UNC5D: variants seen among roughly 807,000 people sequenced by gnomAD.
UNC5D encodes the protein unc-5 netrin receptor D.
UNC5D carries 39 observed loss-of-function variants against 105.4 expected under a neutral mutation model. The observed-to-expected ratio is 0.37, with a 90% CI of 0.29 to 0.48. UNC5D has a LOEUF of 0.48. Among genes scored for constraint, UNC5D ranks in the 20% least tolerant of loss-of-function variants. The pLI, the probability that UNC5D is intolerant of heterozygous loss-of-function variation, is 0.98. For synonymous variants in UNC5D, 452 were observed against 450.4 expected, an observed-to-expected ratio of 1.00 and a Z score of -0.04; for missense variants, 991 against 1,202.4, an observed-to-expected ratio of 0.82 and a Z score of 2.60.
At chr8:35,555,643 T>C (rs1261278879) in intron 2 of UNC5D, among the ~76,000 whole-genome samples, 1 of 151,940 alleles carries the variant, frequency 6.6e-6, no homozygotes, top group East Asian at 1.9e-4. Context: ...CTGGCCAACA[T>C]GGTGAAACCC....
intron 1 of UNC5D, among the ~76,000 whole-genome samples, chr8:35,265,260 G>T (rs1449947847): frequency 6.6e-6 from 1 of 152,104 alleles, no homozygotes; most frequent in Non-Finnish European, 1.5e-5. Context: ...GAGCTATAAT[G>T]ATTAGCAAGG....
At chr8:35,676,394 G>C (rs1459031283) in intron 4 of UNC5D, among the ~76,000 whole-genome samples, 1 of 152,126 alleles carries the variant, frequency 6.6e-6, no homozygotes, top group Non-Finnish European at 1.5e-5. Flanking sequence ...TTGTTCATCC[G>C]AGGGGTGAAT....
intron 8 of UNC5D, among the ~76,000 whole-genome samples, chr8:35,712,389 C>T (rs12550498): frequency 0.19 from 29,567 of 152,122 alleles, 7,066 homozygotes; most frequent in African/African-American, 0.56. Flanking sequence ...ACAAGAAATG[C>T]ATCTTCCCTA....
intron 3 of UNC5D, among the ~76,000 whole-genome samples, chr8:35,589,658 C>A (rs1819032159): frequency 3.3e-5 from 5 of 152,124 alleles, no homozygotes; most frequent in Admixed American, 3.3e-4. Context: ...CCCCATACTC[C>A]TTGCTCAGCT....
intron 4 of UNC5D, among the ~76,000 whole-genome samples, chr8:35,623,308 TTGGC>T (rs1821475624): frequency 6.6e-6 from 1 of 152,188 alleles, no homozygotes. Flanking sequence ...ATTACTTTCT[TTGGC>T]TGAGTAAAAT....
At chr8:35,278,472 G>T (rs2128845892) in intron 1 of UNC5D, among the ~76,000 whole-genome samples, 1 of 152,058 alleles carries the variant, frequency 6.6e-6, no homozygotes, top group African/African-American at 2.4e-5. Flanking sequence ...AAAATAGTTG[G>T]TCATTTCAGT....
At chr8:35,744,392 T>G (rs1038123475) in intron 11 of UNC5D, among the ~76,000 whole-genome samples, 1 of 152,240 alleles carries the variant, frequency 6.6e-6, no homozygotes, top group Non-Finnish European at 1.5e-5. Flanking sequence ...TATTTATTAC[T>G]GTTTAAACTT....
intron 9 of UNC5D, chr8:35,724,232 G>T: frequency 6.5e-7 from 1 of 1,529,192 alleles, no homozygotes; most frequent in Non-Finnish European, 8.7e-7. Flanking sequence ...TGACCATTTT[G>T]TTTTATTTTT....
chr8:35,483,151 G>C (rs538465962), intron 1 of UNC5D, among the ~76,000 whole-genome samples: 2 of 151,888 alleles, frequency 1.3e-5, no homozygotes, highest in Admixed American at 6.6e-5. Flanking sequence ...ATGAATTAGA[G>C]AGACTCTGGG....
At chr8:35,435,744 C>G (rs936428680) in intron 1 of UNC5D, among the ~76,000 whole-genome samples, 2 of 152,152 alleles carry the variant, frequency 1.3e-5, no homozygotes, top group Middle Eastern at 3.4e-3. Flanking sequence ...GTGTTGGACA[C>G]TGTCTCCTCT....
intron 11 of UNC5D, among the ~76,000 whole-genome samples, chr8:35,741,578 C>T (rs1055644165): frequency 2.0e-5 from 3 of 152,114 alleles, no homozygotes; most frequent in Admixed American, 6.5e-5. Context: ...AAATCCTTGC[C>T]TATTAATACA....
chr8:35,656,961 A>G (rs1052742401), intron 4 of UNC5D, among the ~76,000 whole-genome samples: 2 of 151,010 alleles, frequency 1.3e-5, no homozygotes, highest in African/African-American at 4.9e-5. Context: ...GTCTGGAACA[A>G]TATTTGGCAC....
intron 1 of UNC5D, among the ~76,000 whole-genome samples, chr8:35,394,476 A>C (rs1308512944): frequency 2.0e-5 from 3 of 152,150 alleles, no homozygotes; most frequent in African/African-American, 7.2e-5. Flanking sequence ...AAGAATGTGG[A>C]AAGATATATT....
intron 1 of UNC5D, among the ~76,000 whole-genome samples, chr8:35,424,285 TGA>T (rs1806104176): frequency 6.6e-6 from 1 of 152,214 alleles, no homozygotes; most frequent in Non-Finnish European, 1.5e-5. Context: ...TAAAAAGGAA[TGA>T]GAGAAATTAA....
intron 4 of UNC5D, among the ~76,000 whole-genome samples, chr8:35,599,043 T>G (rs1278636599): frequency 2.0e-5 from 3 of 148,238 alleles, no homozygotes; most frequent in Admixed American, 6.9e-5. Flanking sequence ...CTTGGGAGGC[T>G]GAGGCAGGAG....
chr8:35,402,395 C>T (rs1446632537), intron 1 of UNC5D, among the ~76,000 whole-genome samples: 63 of 151,990 alleles, frequency 4.1e-4, no homozygotes, highest in Admixed American at 4.1e-3. Flanking sequence ...ATTTATAAAA[C>T]CATCTTATCT....
chr8:35,763,419 T>G (rs910313067), intron 14 of UNC5D, among the ~76,000 whole-genome samples: 1 of 151,270 alleles, frequency 6.6e-6, no homozygotes, highest in African/African-American at 2.4e-5. Flanking sequence ...CCAGAGAAGA[T>G]ACTCATTTTA....
At chr8:35,400,839 C>A (rs900053774) in intron 1 of UNC5D, among the ~76,000 whole-genome samples, 9 of 152,126 alleles carry the variant, frequency 5.9e-5, no homozygotes, top group African/African-American at 2.2e-4. Context: ...GTAATTGCCA[C>A]TTTTCTTGTT....
At chr8:35,356,572 C>A (rs758875738) in intron 1 of UNC5D, among the ~76,000 whole-genome samples, 4 of 151,858 alleles carry the variant, frequency 2.6e-5, no homozygotes, top group Non-Finnish European at 4.4e-5. Context: ...TTGAAAATTT[C>A]ATGGATGGAA....
Sources: allele counts gnomAD v4.1 joint callset (sites outside exome capture counted in the v4.1 genomes callset), GRCh38; gene constraint gnomAD v4.1.1; transcripts MANE v1.5; gene names NCBI Gene and HGNC (gene_info 2026-07-23, HGNC 2026-07-21).